The following INSC variants were observed in gnomAD, a reference collection of about 807,000 sequenced individuals.
INSC encodes INSC spindle orientation adaptor protein.
In INSC, 67 loss-of-function variants were observed where a neutral mutation model predicts 58.6. The ratio of observed to expected loss-of-function variants is 1.14; its 90% CI spans 0.94 to 1.40. The LOEUF (loss-of-function observed/expected upper bound fraction) is 1.40, where lower values mean the gene tolerates loss of function less well. INSC is among the 40% of genes most tolerant of loss of function. INSC has a pLI of 0.00. For synonymous variants in INSC, 262 were observed against 276.1 expected, an observed-to-expected ratio of 0.95 and a Z score of 0.51; for missense variants, 714 against 692.0, an observed-to-expected ratio of 1.03 and a Z score of -0.36.
At chr11:15,196,470 G>A (rs1247033785) in intron 6 of INSC, among the ~76,000 whole-genome samples, 2 of 136,716 alleles carry the variant, frequency 1.5e-5, no homozygotes, top group African/African-American at 5.5e-5. Context: ...CCCTTTCCAG[G>A]CAAAACTCTG....
chr11:15,113,039 C>T (rs545189532), upstream of INSC, among the ~76,000 whole-genome samples: 1 of 152,176 alleles, frequency 6.6e-6, no homozygotes, highest in Non-Finnish European at 1.5e-5. Flanking sequence ...TTGGAGACTT[C>T]TTTCCTTCCC....
At chr11:15,245,782 T>C in intron 12 of INSC, 130 bp from the exon 13 acceptor site, 4 of 1,232,344 alleles carry the variant, frequency 3.2e-6, no homozygotes, top group East Asian at 2.4e-5. Context: ...GTGGCTAACA[T>C]GATGATCAAC....
chr11:15,150,601 G>A (rs1159383309), intron 2 of INSC, among the ~76,000 whole-genome samples: 2 of 152,180 alleles, frequency 1.3e-5, no homozygotes, highest in Non-Finnish European at 1.5e-5. Context: ...TGAATAAATA[G>A]CAGCACAAAG....
Position 15,221,411 on chromosome 11 carries a change from CATT to C in INSC, c.820-64_820-62del, listed in dbSNP as rs1431761317. On this transcript the variant is annotated intron_variant, in intron 7 of 12. Transcript: ENST00000379556. ...GTGGGGGCTGAATCTGTATCTGTCT[CATT>C]AATGTCATGGGCAGTGGTGTCCACC... 4.6e-6 allele frequency: 7 copies of C among 1,525,976 alleles called. No individual in the cohort carries two copies. In the African/African-American group the frequency reaches 8.3e-5, roughly 18 times the overall value. The allele number at this position is 1,525,976 out of a possible 1,614,324, so 94.5% of individuals were successfully genotyped here. A position where few individuals can be genotyped will look rare whatever the true frequency, so the allele number is the denominator to read the frequency against.
intron 2 of INSC, among the ~76,000 whole-genome samples, chr11:15,171,616 G>A (rs1433042138): frequency 6.6e-6 from 1 of 152,166 alleles, no homozygotes; most frequent in Non-Finnish European, 1.5e-5. Context: ...AACGGAAAGG[G>A]GGAGTTCTCT....
chr11:15,122,946 C>T (rs544102723), intron 1 of INSC, among the ~76,000 whole-genome samples: 19 of 152,304 alleles, frequency 1.2e-4, no homozygotes, highest in Admixed American at 2.6e-4. Flanking sequence ...CTTAATAAGT[C>T]CTACAAGGTC....
At position 15,140,204 on chromosome 11, in the gene INSC, T is replaced by C. The variant is rs1314717459; in HGVS notation, c.-45-8926T>C. Among the ~76,000 whole-genome samples, 4 of 152,300 alleles carry C rather than the reference T, an allele frequency of 2.6e-5. No homozygotes were observed. In the East Asian group the frequency reaches 7.7e-4, roughly 29 times the overall value. On this transcript the variant is annotated intron_variant, in intron 1 of 12. Transcript: ENST00000379556. ...GACACCTTGACACTGGGCTCCTCTC[T>C]CTCTGACCTCTGGGGACTCATGGGC...
chr11:15,119,203 C>A (rs1362612954), intron 1 of INSC, among the ~76,000 whole-genome samples: 2 of 152,244 alleles, frequency 1.3e-5, no homozygotes, highest in Non-Finnish European at 2.9e-5. Flanking sequence ...GCCTTTCCAG[C>A]CTCAGCTGGA....
At chr11:15,117,122 A>G (rs531984946) in intron 1 of INSC, among the ~76,000 whole-genome samples, 1 of 150,974 alleles carries the variant, frequency 6.6e-6, no homozygotes, top group East Asian at 1.9e-4. Context: ...TTGTATTTTT[A>G]GTAGAGATGG....
chr11:15,183,351 C>CAA (rs66894801), intron 5 of INSC, among the ~76,000 whole-genome samples: 51 of 80,730 alleles, frequency 6.3e-4, no homozygotes, highest in African/African-American at 1.6e-3. Context: ...AACTCCATCT[C>CAA]AAAAAAAAAA....
Position 15,177,105 on chromosome 11 carries a change from C to G in INSC, c.403-6C>G. ...AGTTGAATAAAATGGACTTATTTTT[C>G]TACAGATTGAGAAGCTGCTAATGGA... On this transcript the variant is annotated splice_polypyrimidine_tract_variant and splice_region_variant and intron_variant, in intron 3 of 12. Transcript: ENST00000379556. 4 of 1,613,518 alleles carry G rather than the reference C, an allele frequency of 2.5e-6. No homozygotes were observed. The highest frequency in any genetic ancestry group is 3.4e-6 in the Non-Finnish European group (4 of 1,179,500).
chr11:15,211,160 T>C (rs899082588), intron 7 of INSC, among the ~76,000 whole-genome samples: 2 of 152,250 alleles, frequency 1.3e-5, no homozygotes, highest in African/African-American at 4.8e-5. Flanking sequence ...TCGTTCTCTC[T>C]TTGGGCTACT....
At chr11:15,195,491 G>A (rs1158925102) in intron 6 of INSC, among the ~76,000 whole-genome samples, 1 of 152,116 alleles carries the variant, frequency 6.6e-6, no homozygotes, top group Non-Finnish European at 1.5e-5. Flanking sequence ...TGAAGCTCTG[G>A]GTGTTCTGTT....
chr11:15,115,131 A>G, intron 1 of INSC, 128 bp downstream of exon 1: 1 of 543,016 alleles, frequency 1.8e-6, no homozygotes, highest in Non-Finnish European at 2.4e-6. Flanking sequence ...GTGCTTGTGA[A>G]GGGGAGCTTG....
At chr11:15,258,299 T>G in the INSC span, among the ~76,000 whole-genome samples, 2 of 152,174 alleles carry the variant, frequency 1.3e-5, no homozygotes. Flanking sequence ...AGAAAGAGAT[T>G]GCTGGGTCAG....
chr11:15,199,044 C>T (rs1311295501), intron 6 of INSC, among the ~76,000 whole-genome samples: 1 of 152,146 alleles, frequency 6.6e-6, no homozygotes, highest in Non-Finnish European at 1.5e-5. Flanking sequence ...TAACCCTGCA[C>T]CCCCAACCAC....
intron 10 of INSC, among the ~76,000 whole-genome samples, chr11:15,238,368 G>A (rs1852211407): frequency 6.6e-6 from 1 of 152,128 alleles, no homozygotes; most frequent in Non-Finnish European, 1.5e-5. Context: ...CTCTTACCTG[G>A]GGGATTCATC....
chr11:15,118,184 A>G (rs1255776202), intron 1 of INSC, among the ~76,000 whole-genome samples: 1 of 152,144 alleles, frequency 6.6e-6, no homozygotes, highest in Non-Finnish European at 1.5e-5. Context: ...AGGAGTGTGG[A>G]GGAGCACATG....
chr11:15,250,754 A>T (rs1415703467), downstream of INSC, among the ~76,000 whole-genome samples: 2 of 152,216 alleles, frequency 1.3e-5, no homozygotes, highest in African/African-American at 4.8e-5. Flanking sequence ...ACAACAACAA[A>T]TTTATTCTTA....
Sources: gnomAD v4.1 joint callset for allele counts (sites outside exome capture counted in the v4.1 genomes callset) on GRCh38, gnomAD v4.1.1 for gene constraint, MANE v1.5 for transcripts, NCBI Gene and HGNC (gene_info 2026-07-23, HGNC 2026-07-21) for gene names.